CLEC12A: variants seen among roughly 807,000 people sequenced by gnomAD.
CLEC12A encodes the protein C-type lectin protein CLL-1.
Under a neutral mutation model 26.5 loss-of-function variants are expected in CLEC12A, and 22 were observed. That is an observed-to-expected ratio of 0.83 (90% CI 0.59 to 1.19). The LOEUF (loss-of-function observed/expected upper bound fraction) is 1.19, where lower values mean the gene tolerates loss of function less well. Ranked by LOEUF, CLEC12A falls within the 50% of genes most tolerant of loss-of-function variation. The probability of loss-of-function intolerance (pLI) is 0.00; values close to 1 mark genes in which losing one functional copy is unlikely to be tolerated. For synonymous variants in CLEC12A, 119 were observed against 101.9 expected (o/e 1.17, Z -1.01); for missense variants, 353 against 315.6 (o/e 1.12, Z -0.90).
At chr12:9,997,154 A>G (rs748828577), downstream of CLEC12A, 2 of 1,613,868 alleles carry the variant, frequency 1.2e-6, no homozygotes, top group Non-Finnish European at 8.5e-7. Context: ...AAAAAACAAT[A>G]CTTACTGAAA....
upstream of CLEC12A, among the ~76,000 whole-genome samples, chr12:9,968,715 A>G (rs1864028169): frequency 6.6e-6 from 1 of 152,192 alleles, no homozygotes; most frequent in African/African-American, 2.4e-5. Flanking sequence ...AAAATATATA[A>G]TTTAGGTAAT....
chr12:9,974,833 C>T (rs897629555), intron 1 of CLEC12A, among the ~76,000 whole-genome samples: 3 of 152,168 alleles, frequency 2.0e-5, no homozygotes, highest in African/African-American at 7.2e-5. Flanking sequence ...TATGGTTTGA[C>T]TGTGTCTCCA....
At chr12:9,977,711 G>T (rs531002732) in intron 1 of CLEC12A, among the ~76,000 whole-genome samples, 8 of 151,868 alleles carry the variant, frequency 5.3e-5, no homozygotes, top group African/African-American at 1.9e-4. Context: ...CTTTCTCCCT[G>T]TCTCACTTAT....
intron 1 of CLEC12A, chr12:9,952,823 C>G (rs1863649361): frequency 9.6e-6 from 1 of 104,338 alleles, no homozygotes; most frequent in Admixed American, 9.4e-5. Context: ...GCCTCTGCCC[C>G]GCCGCCCCAT....
chr12:9,969,115 A>C (rs1250652157), upstream of CLEC12A, among the ~76,000 whole-genome samples: 6 of 152,214 alleles, frequency 3.9e-5, no homozygotes, highest in East Asian at 1.2e-3. Context: ...GTGGGGGATA[A>C]AGATAAGTTG....
chr12:9,972,620 G>A (rs1405782990), intron 1 of CLEC12A, among the ~76,000 whole-genome samples: 1 of 152,164 alleles, frequency 6.6e-6, no homozygotes, highest in East Asian at 1.9e-4. Flanking sequence ...TATTATTTAA[G>A]TTGTTGTCCT....
upstream of CLEC12A, among the ~76,000 whole-genome samples, chr12:9,969,969 G>A (rs1031545762): frequency 1.3e-5 from 2 of 152,210 alleles, no homozygotes; most frequent in South Asian, 2.1e-4. Flanking sequence ...GGTTTAGAGA[G>A]TTGTAAAGAT....
At chr12:9,987,931 A>G, downstream of CLEC12A, among the ~76,000 whole-genome samples, 1 of 151,742 alleles carries the variant, frequency 6.6e-6, no homozygotes, top group Non-Finnish European at 1.5e-5. Context: ...GCCTCAGCCT[A>G]CCAACTAGCT....
chr12:9,976,939 T>A (rs1371945362), intron 1 of CLEC12A, among the ~76,000 whole-genome samples: 1 of 152,186 alleles, frequency 6.6e-6, no homozygotes, highest in Non-Finnish European at 1.5e-5. Flanking sequence ...TGCTGCCATA[T>A]GAGGTGTGCC....
intron 4 of CLEC12A, among the ~76,000 whole-genome samples, chr12:9,994,831 G>A (rs534444227): frequency 8.7e-5 from 12 of 138,198 alleles, no homozygotes; most frequent in South Asian, 4.7e-4. Flanking sequence ...ATGTGCATGC[G>A]CGCACACACA....
In CLEC12A at chr12:9,971,698, G is replaced by C. The variant is rs567155810; in HGVS notation, c.91+11G>C. On this transcript the variant is annotated intron_variant, in intron 1 of 5. Coordinates refer to ENST00000304361, the MANE Select transcript of CLEC12A (RefSeq NM_138337.6). ...AATTTGGGGAAAAAGGTAAGATTTT[G>C]AGTTATGGATGTGTTGTAAGTTTGT... 1.9e-6 allele frequency: 3 copies of C among 1,607,034 alleles called. No individual in the cohort carries two copies. Among genetic ancestry groups the C allele is most frequent in the African/African-American group, 1.3e-5 (1 of 74,748 alleles).
chr12:9,965,444 G>T (rs1458878110), intron 1 of CLEC12A, among the ~76,000 whole-genome samples: 2 of 150,692 alleles, frequency 1.3e-5, no homozygotes, highest in African/African-American at 2.5e-5. Flanking sequence ...AAGCCTTGCG[G>T]CAATACAGCC....
intron 1 of CLEC12A, chr12:9,951,800 A>C (rs1591805527): frequency 5.3e-6 from 1 of 190,298 alleles, no homozygotes. Flanking sequence ...GTTGGTCTGC[A>C]TGTGGCTGTG....
chr12:9,998,985 T>C, downstream of CLEC12A: 1 of 1,034,456 alleles, frequency 9.7e-7, no homozygotes, highest in South Asian at 1.4e-5. Context: ...AAGAATTGAA[T>C]CAACTCATTT....
downstream of CLEC12A, chr12:9,999,174 A>G (rs1015356349): frequency 2.1e-5 from 19 of 915,336 alleles, no homozygotes; most frequent in Non-Finnish European, 3.4e-5. Flanking sequence ...TTACAATTTC[A>G]GTATCTGTCA....
At chr12:9,968,779 A>C (rs1864030925), upstream of CLEC12A, among the ~76,000 whole-genome samples, 1 of 152,220 alleles carries the variant, frequency 6.6e-6, no homozygotes, top group Non-Finnish European at 1.5e-5. Flanking sequence ...TTATATTTGC[A>C]GATTGTCTCT....
In CLEC12A at chr12:9,957,401, T is replaced by A. The variant is rs566646242; in HGVS notation, c.10+6045T>A. Among the ~76,000 whole-genome samples the A allele has an allele frequency of 1.5e-3, 223 of 150,202 alleles. 1 individual carries two copies. The highest frequency in any genetic ancestry group is 1.6e-3 in the Non-Finnish European group (111 of 67,820). On this transcript the variant is annotated intron_variant, in intron 1 of 6. Transcript: ENST00000355690. ...TACTCAGGAGGCTGAGGCAGGAGAA[T>A]CACTTGAACTCGGGAGACAGAGGTT...
At chr12:9,997,761 A>T (rs1033641074), downstream of CLEC12A, among the ~76,000 whole-genome samples, 18 of 152,240 alleles carry the variant, frequency 1.2e-4, no homozygotes. Context: ...AAAAAAATCA[A>T]CAAATACACA....
intron 4 of CLEC12A, among the ~76,000 whole-genome samples, chr12:9,981,650 T>G (rs902647605): frequency 1.3e-5 from 2 of 152,304 alleles, no homozygotes; most frequent in Middle Eastern, 3.4e-3. Context: ...ATTTTTTTCC[T>G]ACTCTTTCTG....
Sources: gnomAD v4.1 joint callset for allele counts (sites outside exome capture counted in the v4.1 genomes callset) on GRCh38, gnomAD v4.1.1 for gene constraint, MANE v1.5 for transcripts, NCBI Gene and HGNC (gene_info 2026-07-23, HGNC 2026-07-21) for gene names.